Variants in SEMA3A observed in about 807,000 individuals in gnomAD.
SEMA3A encodes the protein semaphorin 3A.
SEMA3A carries 29 observed loss-of-function variants against 97.9 expected under a neutral mutation model. That is an observed-to-expected ratio of 0.30 (90% confidence interval 0.22 to 0.40). SEMA3A has a LOEUF of 0.40. Ranked by LOEUF, SEMA3A falls within the 10% of genes least tolerant of loss-of-function variation. SEMA3A has a pLI of 1.00. For synonymous variants in SEMA3A, 321 were observed against 323.7 expected, an observed-to-expected ratio of 0.99 and a Z score of 0.09; for missense variants, 763 against 951.3, an observed-to-expected ratio of 0.80 and a Z score of 2.60.
At chr7:84,161,578 G>T (rs994199044) in intron 1 of SEMA3A, among the ~76,000 whole-genome samples, 1 of 152,098 alleles carries the variant, frequency 6.6e-6, no homozygotes, top group Non-Finnish European at 1.5e-5. Flanking sequence ...TAGGTGGCTA[G>T]AAGTGATGTG....
chr7:83,987,605 A>C (rs1282637916), intron 12 of SEMA3A, among the ~76,000 whole-genome samples: 2 of 152,180 alleles, frequency 1.3e-5, no homozygotes, highest in Non-Finnish European at 2.9e-5. Flanking sequence ...TCACAGCCAT[A>C]TCCCTAGCAC....
At chr7:84,427,288 A>T (rs990599060) in intron 1 of SEMA3A, among the ~76,000 whole-genome samples, 15 of 152,102 alleles carry the variant, frequency 9.9e-5, no homozygotes, top group African/African-American at 3.1e-4. Flanking sequence ...TAAAAAATTT[A>T]AAAAATGACC....
Position 84,080,096 on chromosome 7 carries a change from C to T in SEMA3A, c.454-19538G>A, listed in dbSNP as rs575547851. Among the ~76,000 whole-genome samples the T allele has an allele frequency of 3.0e-4, 43 of 141,190 alleles. 1 individual carries two copies. In the East Asian group the frequency reaches 7.1e-3, roughly 23 times the overall value. The allele number at this position is 141,190 out of a possible 152,430, so 92.6% of individuals were successfully genotyped here. A position where few individuals can be genotyped will look rare whatever the true frequency, so the allele number is the denominator to read the frequency against. On this transcript the variant is annotated intron_variant, in intron 4 of 16. Transcript: ENST00000265362. ...GAAATCATCATTCTCAGTAAACTAT[C>T]GCAAGGACAAAAAACCAAACACTGC...
chr7:84,381,932 C>G (rs950963139), intron 1 of SEMA3A, among the ~76,000 whole-genome samples: 1 of 151,988 alleles, frequency 6.6e-6, no homozygotes, highest in African/African-American at 2.4e-5. Context: ...TAAACATTTA[C>G]TTAAGTATGC....
chr7:84,429,519 TATATATATATA>T (rs1804915694), intron 1 of SEMA3A, among the ~76,000 whole-genome samples: 2 of 91,408 alleles, frequency 2.2e-5, no homozygotes, highest in African/African-American at 8.0e-5. Flanking sequence ...GAGTTTGTTA[TATATATATATA>T]TATATATATA....
chr7:83,961,357 A>G lies in SEMA3A; in HGVS notation c.*14T>C, dbSNP rs1402896488. The stretch of plus-strand genomic sequence containing the variant: ...AAGTTTCTACTTGTTTGAGGTTTCT[A>G]GAGGTAATGCAGCTCAGACACTCCT... On this transcript the variant is annotated 3_prime_UTR_variant, in exon 17 of 17. Transcript: ENST00000265362. 6.2e-7 allele frequency: 1 copy of G among 1,605,182 alleles called. No individual in the cohort carries two copies. Among genetic ancestry groups the G allele is most frequent in the Admixed American group, 1.7e-5 (1 of 59,942 alleles).
At chr7:84,011,341 G>C in intron 7 of SEMA3A, 44 bp from the exon 8 acceptor site, 1 of 1,218,118 alleles carries the variant, frequency 8.2e-7, no homozygotes, top group Non-Finnish European at 1.2e-6. Flanking sequence ...TAATGAAAAT[G>C]ATAATTTGAA....
At chr7:84,393,728 G>C (rs1468499272) in intron 1 of SEMA3A, among the ~76,000 whole-genome samples, 1 of 152,078 alleles carries the variant, frequency 6.6e-6, no homozygotes, top group Non-Finnish European at 1.5e-5. Context: ...CTTAGAAAGG[G>C]TGCCATATTT....
At chr7:84,101,093 A>AT (rs910504927) in intron 4 of SEMA3A, among the ~76,000 whole-genome samples, 46 of 151,388 alleles carry the variant, frequency 3.0e-4, no homozygotes, top group Admixed American at 1.3e-3. Flanking sequence ...CTATGATGTC[A>AT]TTTTTTTTTC....
intron 1 of SEMA3A, among the ~76,000 whole-genome samples, chr7:84,426,152 A>G (rs1804821480): frequency 6.6e-6 from 1 of 152,000 alleles, no homozygotes; most frequent in Non-Finnish European, 1.5e-5. Context: ...TGATGGGAGC[A>G]CTAAAATTCC....
At chr7:84,257,727 C>A (rs1379213286) in intron 3 of SEMA3A, among the ~76,000 whole-genome samples, 1 of 152,016 alleles carries the variant, frequency 6.6e-6, no homozygotes, top group East Asian at 1.9e-4. Context: ...CAATAAAGAC[C>A]CAGAATGAAA....
At chr7:84,243,296 G>C (rs1445963858) in intron 3 of SEMA3A, among the ~76,000 whole-genome samples, 2 of 151,984 alleles carry the variant, frequency 1.3e-5, no homozygotes, top group East Asian at 1.9e-4. Context: ...TTTGTTGGTA[G>C]GCTATTAATT....
chr7:83,985,722 T>C (rs913020502), intron 12 of SEMA3A, among the ~76,000 whole-genome samples: 1 of 152,186 alleles, frequency 6.6e-6, no homozygotes, highest in African/African-American at 2.4e-5. Flanking sequence ...GTTGGGGTTA[T>C]TGCTTACTAC....
Position 84,022,831 on chromosome 7 carries a change from TATTTACAGATACCACGGCC to T in SEMA3A, c.668-8499_668-8481del, listed in dbSNP as rs1791377750. On this transcript the variant is annotated intron_variant, in intron 6 of 16. Coordinates refer to ENST00000265362, the MANE Select transcript of SEMA3A (RefSeq NM_006080.3). ...GTATGCCTTTGGGGAAGAAACTTTG[TATTTACAGATACCACGGCC>T]ATTTTGCAATGTCCTCAGCACATAG... 3.9e-5 allele frequency among the ~76,000 whole-genome samples: 6 copies of T among 152,356 alleles called. No homozygotes were observed. The South Asian group carries it at 1.2e-3, about 32-fold the overall frequency.
Position 84,437,270 on chromosome 7 carries a change from C to T in SEMA3A, c.-246+55190G>A, listed in dbSNP as rs547639133. 4.9e-4 allele frequency among the ~76,000 whole-genome samples: 75 copies of T among 152,032 alleles called. No individual in the cohort carries two copies. The South Asian group carries it at 9.8e-3, about 20-fold the overall frequency. ...GAATAATGGAATGAACTGAAGTAGA[C>T]GGAAATGGAAGGTGGAATTTGGTGT... On this transcript the variant is annotated intron_variant, in intron 1 of 3. Coordinates refer to the SEMA3A transcript ENST00000424555.
In SEMA3A at chr7:84,000,959, T is replaced by C. The variant is rs757886615; in HGVS notation, c.1452+996A>G. ...AAAATTTGAATCCAGCCTATTCATT[T>C]TATAGGTAAACTACCACAGACACCT... is the stretch of plus-strand genomic sequence containing the variant. On this transcript the variant is annotated intron_variant, in intron 12 of 16. Coordinates refer to ENST00000265362, the MANE Select transcript of SEMA3A (RefSeq NM_006080.3). Among the ~76,000 whole-genome samples, 4 of 152,148 alleles carry C rather than the reference T, an allele frequency of 2.6e-5. No individual in the cohort carries two copies. In the East Asian group the frequency reaches 7.7e-4, roughly 29 times the overall value.
At chr7:84,318,285 A>G (rs1015148088) in intron 2 of SEMA3A, among the ~76,000 whole-genome samples, 2 of 132,298 alleles carry the variant, frequency 1.5e-5, no homozygotes, top group Non-Finnish European at 3.3e-5. Flanking sequence ...AACGTTCTGT[A>G]TTTGCAACTT....
chr7:84,028,788 T>TA (rs1211944794), intron 6 of SEMA3A, among the ~76,000 whole-genome samples: 69 of 152,124 alleles, frequency 4.5e-4, no homozygotes, highest in African/African-American at 1.6e-3. Context: ...TTTTTATTTT[T>TA]TTTTGTATTT....
chr7:84,148,273 G>C (rs1796524583), intron 1 of SEMA3A, among the ~76,000 whole-genome samples: 2 of 151,606 alleles, frequency 1.3e-5, no homozygotes, highest in African/African-American at 4.9e-5. Context: ...AGAGAACATT[G>C]ATATGGCATT....
Sources: allele counts gnomAD v4.1 joint callset (sites outside exome capture counted in the v4.1 genomes callset), GRCh38; gene constraint gnomAD v4.1.1; transcripts MANE v1.5; gene names NCBI Gene and HGNC (gene_info 2026-07-23, HGNC 2026-07-21).